Variants in NSMCE2 observed in about 807,000 individuals in gnomAD.
NSMCE2 encodes the protein NSE2 SUMO ligase component of SMC5/6 complex.
Under a neutral mutation model 23.8 loss-of-function variants are expected in NSMCE2, and 24 were observed. That is an observed-to-expected ratio of 1.01 (90% CI 0.73 to 1.42). NSMCE2 has a LOEUF of 1.42. Ranked by LOEUF, NSMCE2 falls within the 40% of genes most tolerant of loss-of-function variation. The probability of loss-of-function intolerance (pLI) is 0.00; values close to 1 mark genes in which losing one functional copy is unlikely to be tolerated. For missense variants in NSMCE2, 284 were observed against 296.5 expected, an observed-to-expected ratio of 0.96 and a Z score of 0.31; for synonymous variants, 92 against 94.1, an observed-to-expected ratio of 0.98 and a Z score of 0.13.
At chr8:125,119,278 C>A (rs1383123429) in intron 3 of NSMCE2, among the ~76,000 whole-genome samples, 2 of 152,154 alleles carry the variant, frequency 1.3e-5, no homozygotes, top group African/African-American at 4.8e-5. Flanking sequence ...CACATGATGG[C>A]GTGTGTGGAA....
At chr8:125,128,676 T>A (rs930313283) in intron 3 of NSMCE2, among the ~76,000 whole-genome samples, 1 of 152,102 alleles carries the variant, frequency 6.6e-6, no homozygotes, top group Non-Finnish European at 1.5e-5. Flanking sequence ...CAGGGGAAAA[T>A]CATTGTCTTG....
At chr8:125,343,719 G>A (rs866736883) in intron 5 of NSMCE2, among the ~76,000 whole-genome samples, 10 of 152,242 alleles carry the variant, frequency 6.6e-5, no homozygotes, top group Middle Eastern at 3.4e-3. Flanking sequence ...ACTGCTGCCG[G>A]GCACAGTGGC....
intron 5 of NSMCE2, among the ~76,000 whole-genome samples, chr8:125,246,930 A>G (rs547596626): frequency 6.6e-6 from 1 of 152,150 alleles, no homozygotes; most frequent in East Asian, 1.9e-4. Flanking sequence ...ACTTAAGATC[A>G]GCATTCTTAA....
intron 5 of NSMCE2, among the ~76,000 whole-genome samples, chr8:125,326,213 C>T (rs1420117856): frequency 2.0e-5 from 3 of 151,822 alleles, no homozygotes; most frequent in South Asian, 2.1e-4. Context: ...GCCGAGATTG[C>T]GCCACTGCAC....
chr8:125,361,943 G>C (rs1033588709), intron 7 of NSMCE2, among the ~76,000 whole-genome samples: 17 of 152,210 alleles, frequency 1.1e-4, no homozygotes, highest in African/African-American at 4.1e-4. Context: ...GGAACTCCCA[G>C]AATCATGTAC....
intron 5 of NSMCE2, among the ~76,000 whole-genome samples, chr8:125,220,860 T>A (rs1824824350): frequency 6.6e-6 from 1 of 152,204 alleles, no homozygotes; most frequent in South Asian, 2.1e-4. Context: ...CATTTGGAAT[T>A]TGAGTTGCTG....
chr8:125,181,384 G>GAT (rs756206943), intron 4 of NSMCE2, among the ~76,000 whole-genome samples: 4 of 152,138 alleles, frequency 2.6e-5, no homozygotes, highest in Non-Finnish European at 5.9e-5. Context: ...GTTGAGAATG[G>GAT]ATAGCGAGAT....
At chr8:125,304,751 G>A (rs777267846) in intron 5 of NSMCE2, among the ~76,000 whole-genome samples, 3 of 151,876 alleles carry the variant, frequency 2.0e-5, no homozygotes, top group Admixed American at 6.6e-5. Context: ...CAGCTGCTTG[G>A]GAGACTGAGG....
At chr8:125,139,431 A>G (rs1314175034) in intron 3 of NSMCE2, among the ~76,000 whole-genome samples, 1 of 152,198 alleles carries the variant, frequency 6.6e-6, no homozygotes, top group Admixed American at 6.5e-5. Context: ...TCACACTGCT[A>G]ATAAAGACAT....
rs1818230985 is a variant in NSMCE2 at position 125,102,303 on chromosome 8, G to A, written c.-14-14G>A. 6.3e-7 allele frequency: 1 copy of A among 1,590,976 alleles called. No individual in the cohort carries two copies. The highest frequency in any genetic ancestry group is 8.6e-7 in the Non-Finnish European group (1 of 1,160,848). Reference sequence around the variant, plus strand: ...TGACTTACGAATCTTGTTTCATTGTGTTTGAAAACTTAGGTACTAATTTCA... The same window carrying A: ...TGACTTACGAATCTTGTTTCATTGTATTTGAAAACTTAGGTACTAATTTCA... On this transcript the variant is annotated splice_polypyrimidine_tract_variant and intron_variant, in intron 2 of 7. Coordinates refer to ENST00000287437, the MANE Select transcript of NSMCE2 (RefSeq NM_173685.4).
At chr8:125,147,182 G>A (rs1335264699) in intron 3 of NSMCE2, among the ~76,000 whole-genome samples, 1 of 152,128 alleles carries the variant, frequency 6.6e-6, no homozygotes, top group Admixed American at 6.6e-5. Flanking sequence ...CAGTGCTGGT[G>A]CCATCTCTTT....
chr8:125,245,608 A>C (rs910418650), intron 5 of NSMCE2, among the ~76,000 whole-genome samples: 4 of 152,208 alleles, frequency 2.6e-5, no homozygotes, highest in South Asian at 4.1e-4. Flanking sequence ...AAAATCTAAA[A>C]AAAATACTAA....
At chr8:125,271,097 T>C (rs1204141497) in intron 5 of NSMCE2, among the ~76,000 whole-genome samples, 3 of 151,750 alleles carry the variant, frequency 2.0e-5, no homozygotes, top group East Asian at 3.9e-4. Flanking sequence ...CCGTTTCTAC[T>C]AAAAAACACA....
chr8:125,332,090 G>A (rs1331623719), intron 5 of NSMCE2, among the ~76,000 whole-genome samples: 2 of 152,040 alleles, frequency 1.3e-5, no homozygotes, highest in African/African-American at 2.4e-5. Context: ...GCTTTTCAAG[G>A]GCACAAGCAA....
intron 5 of NSMCE2, among the ~76,000 whole-genome samples, chr8:125,250,917 T>C (rs927311552): frequency 2.0e-5 from 3 of 152,220 alleles, no homozygotes; most frequent in Non-Finnish European, 4.4e-5. Context: ...ACATTAGTAT[T>C]AACCTACATT....
intron 5 of NSMCE2, among the ~76,000 whole-genome samples, chr8:125,262,477 T>A (rs1586687276): frequency 6.6e-6 from 1 of 152,286 alleles, no homozygotes; most frequent in East Asian, 1.9e-4. Context: ...TGAGTCAAAC[T>A]TTCCTTTAGT....
chr8:125,365,044 G>C (rs1813718278), intron 7 of NSMCE2, among the ~76,000 whole-genome samples: 1 of 152,194 alleles, frequency 6.6e-6, no homozygotes, highest in Non-Finnish European at 1.5e-5. Flanking sequence ...CATCGAAGCA[G>C]AGCCGTGGCT....
chr8:125,295,190 A>G (rs1382071145), intron 5 of NSMCE2, among the ~76,000 whole-genome samples: 1 of 152,078 alleles, frequency 6.6e-6, no homozygotes, highest in Non-Finnish European at 1.5e-5. Flanking sequence ...CCTTGCTTAT[A>G]TATGTAGACT....
At chr8:125,231,497 G>T (rs1260218759) in intron 5 of NSMCE2, among the ~76,000 whole-genome samples, 1 of 152,142 alleles carries the variant, frequency 6.6e-6, no homozygotes, top group African/African-American at 2.4e-5. Context: ...TTGTTCCCTG[G>T]AACAGAGTTT....
Sources: allele counts gnomAD v4.1 joint callset (sites outside exome capture counted in the v4.1 genomes callset), GRCh38; gene constraint gnomAD v4.1.1; transcripts MANE v1.5; gene names NCBI Gene and HGNC (gene_info 2026-07-23, HGNC 2026-07-21).